Variants in GRID2 observed in about 807,000 individuals in gnomAD.
GRID2 encodes the protein glutamate ionotropic receptor delta type subunit 2.
A neutral mutation model predicts 114.8 loss-of-function variants in GRID2; 33 were observed. The observed-to-expected ratio is 0.29, with a 90% CI of 0.22 to 0.38. The LOEUF (loss-of-function observed/expected upper bound fraction) is 0.38. Among genes scored for constraint, GRID2 ranks in the 10% least tolerant of loss-of-function variants. The probability of loss-of-function intolerance (pLI) is 1.00; values close to 1 mark genes in which losing one functional copy is unlikely to be tolerated. For missense variants in GRID2, 1,184 were observed against 1,257.7 expected (o/e 0.94, Z 0.89); for synonymous variants, 505 against 449.9 (o/e 1.12, Z -1.55).
At chr4:93,718,993 A>G (rs965467812) in intron 14 of GRID2, among the ~76,000 whole-genome samples, 2 of 152,124 alleles carry the variant, frequency 1.3e-5, no homozygotes, top group Non-Finnish European at 2.9e-5. Flanking sequence ...GGATGATTAA[A>G]TAAGGAAATA....
intron 10 of GRID2, among the ~76,000 whole-genome samples, chr4:93,449,185 C>T (rs1000488338): frequency 1.3e-5 from 2 of 151,698 alleles, no homozygotes; most frequent in African/African-American, 4.8e-5. Context: ...TCTTGAACAG[C>T]AAGAGAAGGA....
intron 12 of GRID2, among the ~76,000 whole-genome samples, chr4:93,496,098 G>A (rs1233505690): frequency 1.4e-5 from 2 of 143,066 alleles, no homozygotes; most frequent in African/African-American, 2.6e-5. Context: ...TATTCCATTT[G>A]AATGCATTTT....
chr4:93,277,161 C>A (rs569468412), intron 8 of GRID2, among the ~76,000 whole-genome samples: 1 of 151,850 alleles, frequency 6.6e-6, no homozygotes, highest in African/African-American at 2.4e-5. Context: ...TCCTTTTATG[C>A]TTAGAAAGAA....
intron 1 of GRID2, among the ~76,000 whole-genome samples, chr4:92,494,595 A>C (rs748820022): frequency 6.6e-6 from 1 of 152,084 alleles, no homozygotes; most frequent in Non-Finnish European, 1.5e-5. Context: ...CAAGGTTACC[A>C]GGATAACAAG....
Position 92,685,122 on chromosome 4 carries a change from T to A in GRID2, c.244+94836T>A, listed in dbSNP as rs140017303. The stretch of plus-strand genomic sequence containing the variant: ...TACTCGAGGCAGCTATTAAATAGAT[T>A]AATGAATAATTGTTAAAATTTAATT... On this transcript the variant is annotated intron_variant, in intron 2 of 15. Coordinates refer to ENST00000282020, the MANE Select transcript of GRID2 (RefSeq NM_001510.4). 6.1e-3 allele frequency among the ~76,000 whole-genome samples: 935 copies of A among 152,232 alleles called. 8 individuals are homozygous for A. Among genetic ancestry groups the A allele is most frequent in the African/African-American group, 0.021 (873 of 41,564 alleles).
At chr4:92,651,774 C>A (rs536991322) in intron 2 of GRID2, among the ~76,000 whole-genome samples, 2 of 152,210 alleles carry the variant, frequency 1.3e-5, no homozygotes, top group East Asian at 3.9e-4. Flanking sequence ...TGAAGTTCTG[C>A]CCATTGAGAG....
chr4:93,005,615 C>T (rs1560788106), intron 2 of GRID2, among the ~76,000 whole-genome samples: 2 of 151,964 alleles, frequency 1.3e-5, no homozygotes, highest in Non-Finnish European at 2.9e-5. Flanking sequence ...TTCATAGTAG[C>T]ACTATTCAAA....
chr4:93,334,489 A>G (rs1758825689), intron 8 of GRID2, among the ~76,000 whole-genome samples: 1 of 152,210 alleles, frequency 6.6e-6, no homozygotes, highest in South Asian at 2.1e-4. Flanking sequence ...ATATTATGAA[A>G]TTATGATGTG....
rs748768361 is a variant in GRID2 at position 93,395,729 on chromosome 4, G to A, written c.1347+21G>A. 11 of 1,110,090 alleles carry A rather than the reference G, an allele frequency of 9.9e-6. 1 individual carries two copies. The highest frequency in any genetic ancestry group is 7.1e-5 in the East Asian group (3 of 41,998). The allele number at this position is 1,110,090 out of a possible 1,614,324, so 68.8% of individuals were successfully genotyped here. A position where few individuals can be genotyped will look rare whatever the true frequency, so the allele number is the denominator to read the frequency against. The stretch of plus-strand genomic sequence containing the variant: ...TTCTGGTAAGTATTATCTGAGCCTC[G>A]TGGTTTTGACTTTTGGAGGTTACTT... On this transcript the variant is annotated intron_variant, in intron 9 of 15. Transcript: ENST00000282020.
At chr4:93,501,818 C>G (rs1455795576) in intron 12 of GRID2, among the ~76,000 whole-genome samples, 2 of 152,062 alleles carry the variant, frequency 1.3e-5, no homozygotes, top group Non-Finnish European at 2.9e-5. Flanking sequence ...TTCTTCTGAA[C>G]AAGATGAATC....
At position 93,545,215 on chromosome 4, in the gene GRID2, C is replaced by T. The variant is rs113669539; in HGVS notation, c.2193+29804C>T. ...AACAAAGAACTAGAAAAAATGAAAACGGCAGATTCCAATTTGTGCTATGGA... is the reference window on the plus strand; with the variant it reads ...AACAAAGAACTAGAAAAAATGAAAATGGCAGATTCCAATTTGTGCTATGGA... On this transcript the variant is annotated intron_variant, in intron 13 of 15. Transcript: ENST00000282020. 4.9e-3 allele frequency among the ~76,000 whole-genome samples: 753 copies of T among 152,184 alleles called. 5 individuals are homozygous for T. The highest frequency in any genetic ancestry group is 0.017 in the African/African-American group (691 of 41,514).
At chr4:93,692,575 A>G (rs1378314839) in intron 14 of GRID2, among the ~76,000 whole-genome samples, 3 of 152,150 alleles carry the variant, frequency 2.0e-5, no homozygotes, top group African/African-American at 7.2e-5. Context: ...GTTTCTATCC[A>G]GGTATTTGGA....
chr4:93,288,874 GAGA>G (rs1222563904), intron 8 of GRID2, among the ~76,000 whole-genome samples: 2 of 152,136 alleles, frequency 1.3e-5, no homozygotes, highest in Non-Finnish European at 2.9e-5. Flanking sequence ...TTGTTAAAGT[GAGA>G]AGTAGTTTCA....
intron 2 of GRID2, among the ~76,000 whole-genome samples, chr4:92,621,075 G>T (rs1730252439): frequency 6.6e-6 from 1 of 151,302 alleles, no homozygotes; most frequent in Non-Finnish European, 1.5e-5. Context: ...AAGTTGAGGG[G>T]TACATGTGCA....
chr4:93,732,896 G>T (rs919860410), intron 14 of GRID2, among the ~76,000 whole-genome samples: 63 of 150,068 alleles, frequency 4.2e-4, no homozygotes, highest in African/African-American at 1.5e-3. Context: ...GCTTTGTTGT[G>T]CATATGTGGG....
chr4:92,816,672 T>G (rs920793289), intron 2 of GRID2, among the ~76,000 whole-genome samples: 1 of 152,150 alleles, frequency 6.6e-6, no homozygotes, highest in African/African-American at 2.4e-5. Context: ...ATTTGATTCA[T>G]GTGGTCTAGA....
At chr4:92,711,097 A>G (rs1358563235) in intron 2 of GRID2, among the ~76,000 whole-genome samples, 1 of 152,114 alleles carries the variant, frequency 6.6e-6, no homozygotes, top group African/African-American at 2.4e-5. Flanking sequence ...TTCTAAGTTA[A>G]TGTAACTTAT....
At chr4:92,748,149 C>T (rs1189357905) in intron 2 of GRID2, among the ~76,000 whole-genome samples, 2 of 152,118 alleles carry the variant, frequency 1.3e-5, no homozygotes, top group Non-Finnish European at 2.9e-5. Context: ...AACTACTAGC[C>T]TGCTTAGATT....
chr4:93,134,389 A>T (rs954626828), intron 4 of GRID2, among the ~76,000 whole-genome samples: 1 of 152,166 alleles, frequency 6.6e-6, no homozygotes, highest in Non-Finnish European at 1.5e-5. Flanking sequence ...ATCTGAACTG[A>T]GTAATGGGAT....
Sources: allele counts gnomAD v4.1 joint callset (sites outside exome capture counted in the v4.1 genomes callset), GRCh38; gene constraint gnomAD v4.1.1; transcripts MANE v1.5; gene names NCBI Gene and HGNC (gene_info 2026-07-23, HGNC 2026-07-21).